The following TMEM163 variants were observed in gnomAD, a reference collection of about 807,000 sequenced individuals.
The protein encoded by TMEM163 is transmembrane protein 163.
In TMEM163, 17 loss-of-function variants were observed where a neutral mutation model predicts 29.3. The ratio of observed to expected loss-of-function variants is 0.58; its 90% CI spans 0.40 to 0.87. The LOEUF is 0.87. TMEM163 is among the 40% of genes least tolerant of loss of function. TMEM163 has a pLI of 0.00. For missense variants in TMEM163, 303 were observed against 381.5 expected, an observed-to-expected ratio of 0.79 and a Z score of 1.71; for synonymous variants, 157 against 160.6, an observed-to-expected ratio of 0.98 and a Z score of 0.17.
chr2:134,663,091 C>A (rs1288744072), intron 2 of TMEM163, among the ~76,000 whole-genome samples: 1 of 152,194 alleles, frequency 6.6e-6, no homozygotes, highest in East Asian at 1.9e-4. Context: ...CATAGGCAAC[C>A]ATACTTCACC....
intron 4 of TMEM163, among the ~76,000 whole-genome samples, chr2:134,533,353 TTG>T (rs1027368546): frequency 7.9e-5 from 12 of 152,186 alleles, no homozygotes; most frequent in Admixed American, 4.6e-4. Flanking sequence ...AGTTGTGTGT[TTG>T]TGTGTGTGCA....
At chr2:134,664,627 T>C (rs906811374) in intron 2 of TMEM163, among the ~76,000 whole-genome samples, 2 of 151,974 alleles carry the variant, frequency 1.3e-5, no homozygotes, top group African/African-American at 4.8e-5. Flanking sequence ...CAGAGGAAGA[T>C]TAGATGACAG....
chr2:134,457,011 C>G (rs1247973055), intron 7 of TMEM163, among the ~76,000 whole-genome samples: 2 of 152,064 alleles, frequency 1.3e-5, no homozygotes, highest in Non-Finnish European at 2.9e-5. Flanking sequence ...TCCTTCTGGC[C>G]TCTATGGATT....
chr2:134,598,690 G>A (rs1032315002), intron 2 of TMEM163, among the ~76,000 whole-genome samples: 3 of 152,066 alleles, frequency 2.0e-5, no homozygotes, highest in African/African-American at 7.2e-5. Context: ...AAGGTGGGCG[G>A]AGAATCACTT....
intron 2 of TMEM163, among the ~76,000 whole-genome samples, chr2:134,583,427 C>A (rs913202770): frequency 2.0e-5 from 3 of 152,096 alleles, no homozygotes; most frequent in Non-Finnish European, 4.4e-5. Flanking sequence ...AAATTTCAGA[C>A]GGCAATCTAA....
intron 2 of TMEM163, among the ~76,000 whole-genome samples, chr2:134,568,089 A>C (rs1226162011): frequency 2.0e-5 from 3 of 152,248 alleles, no homozygotes; most frequent in Non-Finnish European, 2.9e-5. Context: ...TAATTTACTC[A>C]ACAAATATGA....
At chr2:134,535,787 G>A (rs1042006947) in intron 4 of TMEM163, among the ~76,000 whole-genome samples, 6 of 150,748 alleles carry the variant, frequency 4.0e-5, no homozygotes, top group South Asian at 2.1e-4. Flanking sequence ...GCAATGGCAC[G>A]ATCTAGGCTC....
intron 1 of TMEM163, among the ~76,000 whole-genome samples, chr2:134,715,727 A>C (rs1685025120): frequency 6.6e-6 from 1 of 152,232 alleles, no homozygotes; most frequent in African/African-American, 2.4e-5. Flanking sequence ...TGTAGTGAGA[A>C]TTCCTAATGT....
intron 2 of TMEM163, among the ~76,000 whole-genome samples, chr2:134,672,825 A>G (rs897910396): frequency 6.6e-6 from 1 of 151,942 alleles, no homozygotes; most frequent in Non-Finnish European, 1.5e-5. Context: ...AAATCATCCA[A>G]GTTCCATCAA....
chr2:134,594,067 T>C (rs1490366298), intron 2 of TMEM163, among the ~76,000 whole-genome samples: 1 of 152,132 alleles, frequency 6.6e-6, no homozygotes, highest in East Asian at 1.9e-4. Flanking sequence ...AAGGCAGTTC[T>C]AGGCACAATT....
chr2:134,493,428 C>G (rs1489058211), intron 5 of TMEM163, among the ~76,000 whole-genome samples: 1 of 116,098 alleles, frequency 8.6e-6, no homozygotes, highest in Non-Finnish European at 1.6e-5. Flanking sequence ...GTCTGGAGTA[C>G]AGTGGTGCAG....
intron 2 of TMEM163, among the ~76,000 whole-genome samples, chr2:134,578,878 TCAC>T (rs1009295315): frequency 1.3e-5 from 2 of 152,138 alleles, no homozygotes; most frequent in Non-Finnish European, 2.9e-5. Context: ...ACTGCTCTAT[TCAC>T]CAACAATCTC....
intron 2 of TMEM163, among the ~76,000 whole-genome samples, chr2:134,681,344 C>A (rs907792297): frequency 6.6e-6 from 1 of 152,170 alleles, no homozygotes; most frequent in African/African-American, 2.4e-5. Flanking sequence ...TTACCTGCCT[C>A]CTACCCTCTT....
At chr2:134,580,958 C>G (rs1448347298) in intron 2 of TMEM163, among the ~76,000 whole-genome samples, 1 of 152,128 alleles carries the variant, frequency 6.6e-6, no homozygotes, top group African/African-American at 2.4e-5. Flanking sequence ...GATGGTGGTT[C>G]TGGGTTTGAC....
intron 4 of TMEM163, among the ~76,000 whole-genome samples, chr2:134,529,326 G>A (rs1328518348): frequency 6.6e-6 from 1 of 151,994 alleles, no homozygotes; most frequent in Non-Finnish European, 1.5e-5. Flanking sequence ...GTCTCGCTCT[G>A]TCTCAAAAAC....
At chr2:134,715,887 C>T (rs1685027839) in intron 1 of TMEM163, among the ~76,000 whole-genome samples, 1 of 152,176 alleles carries the variant, frequency 6.6e-6, no homozygotes, top group African/African-American at 2.4e-5. Flanking sequence ...TAAACTCACT[C>T]AAATTTCATA....
At chr2:134,577,488 AGAG>A (rs1278292462) in intron 2 of TMEM163, among the ~76,000 whole-genome samples, 15 of 152,178 alleles carry the variant, frequency 9.9e-5, no homozygotes, top group Non-Finnish European at 1.2e-4. Flanking sequence ...GGCTGCAGTG[AGAG>A]GAGGAGACCA....
chr2:134,467,612 G>C (rs1282557841), intron 5 of TMEM163: 1 of 152,172 alleles, frequency 6.6e-6, no homozygotes, highest in Admixed American at 6.5e-5. Flanking sequence ...CATGAGGAAC[G>C]ACCGAGAGAC....
chr2:134,517,279 G>T (rs925471293), intron 4 of TMEM163, among the ~76,000 whole-genome samples: 1 of 152,092 alleles, frequency 6.6e-6, no homozygotes, highest in African/African-American at 2.4e-5. Context: ...TGGACTTCTC[G>T]CATGCTTTTC....
Sources: gnomAD v4.1 joint callset for allele counts (sites outside exome capture counted in the v4.1 genomes callset) on GRCh38, gnomAD v4.1.1 for gene constraint, MANE v1.5 for transcripts, NCBI Gene and HGNC (gene_info 2026-07-23, HGNC 2026-07-21) for gene names.